Variants in ARL1 observed in about 807,000 individuals in gnomAD.
The protein encoded by ARL1 is ARF like GTPase 1.
A neutral mutation model predicts 30.1 loss-of-function variants in ARL1; 17 were observed. The ratio of observed to expected loss-of-function variants is 0.56; its 90% CI spans 0.39 to 0.85. The LOEUF is 0.85. Among genes scored for constraint, ARL1 ranks in the 40% least tolerant of loss-of-function variants. The pLI, the probability that ARL1 is intolerant of heterozygous loss-of-function variation, is 0.00. For synonymous variants in ARL1, 58 were observed against 71.7 expected, an observed-to-expected ratio of 0.81 and a Z score of 0.97; for missense variants, 102 against 212.6, an observed-to-expected ratio of 0.48 and a Z score of 3.24.
intron 4 of ARL1, among the ~76,000 whole-genome samples, chr12:101,399,545 C>CAA (rs1871248103): frequency 7.7e-6 from 1 of 129,556 alleles, no homozygotes; most frequent in Non-Finnish European, 1.6e-5. Context: ...AAAAAGAATT[C>CAA]AAAAGTACAT....
rs1186006347 is a variant in ARL1, at chr12:101,396,349, C to T, written c.515+50G>A. The T allele has an allele frequency of 7.5e-6, 12 of 1,606,756 alleles. No homozygotes were observed. The South Asian group carries it at 1.2e-4, about 16-fold the overall frequency. ...AAAAATTACACGTGGACGTGCATAG[C>T]TGCAAGCACACACAAATGCACAGAT... On this transcript the variant is annotated intron_variant, in intron 5 of 5. Coordinates refer to ENST00000261636, the MANE Select transcript of ARL1 (RefSeq NM_001177.6).
chr12:101,407,803 A>C (rs926334141), upstream of ARL1: 9 of 1,043,458 alleles, frequency 8.6e-6, no homozygotes, highest in South Asian at 1.1e-4. Context: ...GCGCGCCGGG[A>C]ACGGTGGCCT....
intron 5 of ARL1, 127 bp from the exon 6 acceptor site, chr12:101,395,797 G>A: frequency 3.2e-6 from 2 of 634,476 alleles, no homozygotes; most frequent in Non-Finnish European, 5.6e-6. Context: ...ACACAGATGA[G>A]GTTATGCACT....
chr12:101,406,683 T>C (rs1451014240), intron 1 of ARL1, among the ~76,000 whole-genome samples: 1 of 152,158 alleles, frequency 6.6e-6, no homozygotes, highest in African/African-American at 2.4e-5. Flanking sequence ...CACACTGTTA[T>C]TTGGCAAAGA....
chr12:101,397,856 C>T (rs528047141), intron 4 of ARL1, among the ~76,000 whole-genome samples: 23 of 152,176 alleles, frequency 1.5e-4, no homozygotes, highest in African/African-American at 5.1e-4. Context: ...TTTTCCCCTA[C>T]GAATTGCCTT....
chr12:101,405,072 T>C (rs1445951148), intron 2 of ARL1, among the ~76,000 whole-genome samples: 2 of 152,138 alleles, frequency 1.3e-5, no homozygotes, highest in Non-Finnish European at 2.9e-5. Flanking sequence ...GGTTTCTCCA[T>C]GTTGGTTGGG....
intron 3 of ARL1, 76 bp downstream of exon 3, chr12:101,402,789 G>A (rs1216815425): frequency 4.2e-6 from 4 of 948,648 alleles, no homozygotes; most frequent in Middle Eastern, 4.5e-4. Flanking sequence ...ACACATATTC[G>A]GGTTTACTGA....
At position 101,407,733 on chromosome 12, in the gene ARL1, C is replaced by G; in HGVS notation, c.-88G>C. The stretch of plus-strand genomic sequence containing the variant: ...GAGGCGGTTTCCTCGCAAGCCCAGT[C>G]AGCCAGCAACTTCCACGTCGGACTC... On this transcript the variant is annotated 5_prime_UTR_variant, in exon 1 of 6. Transcript: ENST00000261636. The G allele has an allele frequency of 6.3e-7, 1 of 1,587,634 alleles. No individual in the cohort carries two copies.
chr12:101,401,245 T>C, intron 3 of ARL1, 72 bp from the exon 4 acceptor site: 1 of 978,542 alleles, frequency 1.0e-6, no homozygotes, highest in Non-Finnish European at 1.6e-6. Flanking sequence ...CAATTGCCAA[T>C]TCTGTCCCAC....
chr12:101,402,684 GCTTC>G (rs1323208189), intron 3 of ARL1, among the ~76,000 whole-genome samples, 177 bp downstream of exon 3: 2 of 152,126 alleles, frequency 1.3e-5, no homozygotes, highest in Non-Finnish European at 2.9e-5. Flanking sequence ...GGAAAACTGG[GCTTC>G]CTTAAGTTTT....
chr12:101,401,418 A>C (rs1399746945), intron 3 of ARL1: 1 of 268,488 alleles, frequency 3.7e-6, no homozygotes, highest in Non-Finnish European at 7.0e-6. Flanking sequence ...GGGCAGATCA[A>C]CTGAGGTCGG....
At chr12:101,402,489 T>C (rs192924774) in intron 3 of ARL1, among the ~76,000 whole-genome samples, 30 of 152,296 alleles carry the variant, frequency 2.0e-4, no homozygotes, top group African/African-American at 4.8e-4. Flanking sequence ...GCCCGGCCAA[T>C]GGCATTTATT....
At chr12:101,404,303 G>GGAGGTA (rs1259743800) in intron 2 of ARL1, among the ~76,000 whole-genome samples, 4 of 152,068 alleles carry the variant, frequency 2.6e-5, no homozygotes, top group African/African-American at 4.8e-5. Context: ...CTTGAGCCCA[G>GGAGGTA]GAGGTAGAGG....
At chr12:101,403,132 G>A in intron 2 of ARL1, 186 bp from the exon 3 acceptor site, 1 of 478,370 alleles carries the variant, frequency 2.1e-6, no homozygotes, top group South Asian at 2.4e-5. Context: ...TATTGGTTGA[G>A]ATTTTATACC....
At position 101,407,646 on chromosome 12, in the gene ARL1, G is replaced by GATGA; in HGVS notation, c.-5_-2dup. On this transcript the variant is annotated 5_prime_UTR_variant, in exon 1 of 6. Coordinates refer to ENST00000261636, the MANE Select transcript of ARL1 (RefSeq NM_001177.6). ...TGCCCTTCTCGAACCCCTCACCCAT[G>GATGA]ATGAACCCCCTGTCCTCCCTCGCCG... 6.2e-7 allele frequency: 1 copy of GATGA among 1,612,002 alleles called. No individual in the cohort carries two copies. The highest frequency in any genetic ancestry group is 8.5e-7 in the Non-Finnish European group (1 of 1,179,782).
intron 2 of ARL1, among the ~76,000 whole-genome samples, chr12:101,404,102 A>G (rs1157947941): frequency 6.6e-6 from 1 of 152,222 alleles, no homozygotes; most frequent in Non-Finnish European, 1.5e-5. Context: ...CAATACTATG[A>G]CAAATTTGAG....
intron 4 of ARL1, among the ~76,000 whole-genome samples, 178 bp downstream of exon 4, chr12:101,400,881 TTTG>T: frequency 6.6e-6 from 1 of 152,228 alleles, no homozygotes; most frequent in East Asian, 1.9e-4. Flanking sequence ...GAGGTTAATT[TTTG>T]TTGTTGTTTT....
At chr12:101,396,223 T>C in intron 5 of ARL1, 176 bp downstream of exon 5, 1 of 790,136 alleles carries the variant, frequency 1.3e-6, no homozygotes, top group Non-Finnish European at 2.1e-6. Context: ...GTAGGTGTGG[T>C]TGAGAAGACA....
intron 1 of ARL1, chr12:101,407,406 C>T: frequency 2.0e-6 from 1 of 512,748 alleles, no homozygotes; most frequent in Non-Finnish European, 3.4e-6. Context: ...CCCAAGCTGT[C>T]CGGGTCCCTG....
Sources: gnomAD v4.1 joint callset for allele counts (sites outside exome capture counted in the v4.1 genomes callset) on GRCh38, gnomAD v4.1.1 for gene constraint, MANE v1.5 for transcripts, NCBI Gene and HGNC (gene_info 2026-07-23, HGNC 2026-07-21) for gene names.